Variants in SLX9 observed in about 807,000 individuals in gnomAD.
SLX9 encodes ribosome biogenesis protein SLX9 homolog.
A neutral mutation model predicts 20.8 loss-of-function variants in SLX9; 19 were observed. That is an observed-to-expected ratio of 0.91 (90% CI 0.64 to 1.34). The LOEUF is 1.34. Among genes scored for constraint, SLX9 ranks in the 40% most tolerant of loss-of-function variants. The probability of loss-of-function intolerance (pLI) is 0.00; values close to 1 mark genes in which losing one functional copy is unlikely to be tolerated. For synonymous variants in SLX9, 113 were observed against 137.1 expected (o/e 0.82, Z 1.23); for missense variants, 299 against 322.2 (o/e 0.93, Z 0.55).
chr21:44,963,238 G>A (rs911850959), intron 3 of SLX9, among the ~76,000 whole-genome samples: 36 of 152,014 alleles, frequency 2.4e-4, no homozygotes, highest in African/African-American at 8.7e-4. Flanking sequence ...ACAGGCACCC[G>A]CCACCGTGCC....
chr21:44,943,837 G>A lies in SLX9; in HGVS notation c.283G>A (p.Gly95Ser), dbSNP rs374980554. 6.8e-6 allele frequency: 11 copies of A among 1,613,698 alleles called. No individual in the cohort carries two copies. The Middle Eastern group carries it at 9.9e-4, about 145-fold the overall frequency. ...SARSVPSIRR[G>S]AEAKTVLPKK... is the part of the protein sequence containing the mutation. ...ACGGAGCGTCCCTTCCATCAGGAGAGGTGAGGCAGGCTCGACGGGTTACCA... is the reference window on the plus strand; with the variant it reads ...ACGGAGCGTCCCTTCCATCAGGAGAAGTGAGGCAGGCTCGACGGGTTACCA... The change falls in exon 2 of 6, where the codon GGT (glycine) becomes AGT (serine). Residue 95 changes from glycine to serine, a missense_variant and splice_region_variant. Gly to Ser is a moderately conservative substitution (Grantham distance 56). Transcript: ENST00000291634.
chr21:44,968,777 G>A (rs557305407), intron 4 of SLX9, among the ~76,000 whole-genome samples: 6 of 141,972 alleles, frequency 4.2e-5, no homozygotes, highest in Admixed American at 7.3e-5. Context: ...TTTTGGAGAC[G>A]GAGCCTTGCT....
chr21:44,950,467 G>A (rs771197785), intron 2 of SLX9, among the ~76,000 whole-genome samples: 162 of 152,372 alleles, frequency 1.1e-3, no homozygotes, highest in Non-Finnish European at 1.7e-3. Context: ...TGCGTGGTGC[G>A]GCGGCTGGGA....
intron 3 of SLX9, among the ~76,000 whole-genome samples, chr21:44,964,660 A>G (rs761741235): frequency 3.3e-5 from 5 of 152,134 alleles, no homozygotes; most frequent in Non-Finnish European, 7.4e-5. Flanking sequence ...GTCCCACTTG[A>G]CTTTCCCAAC....
intron 1 of SLX9, among the ~76,000 whole-genome samples, chr21:44,941,687 G>T (rs1403434977): frequency 6.6e-6 from 1 of 152,170 alleles, no homozygotes; most frequent in Non-Finnish European, 1.5e-5. Context: ...GAGTCCCTCT[G>T]CTCACTCCTG....
chr21:44,948,674 G>T (rs1463301398), intron 2 of SLX9, among the ~76,000 whole-genome samples: 1 of 152,176 alleles, frequency 6.6e-6, no homozygotes, highest in African/African-American at 2.4e-5. Context: ...ACGGCTTGGG[G>T]GCGGTGGGGG....
At chr21:44,959,970 G>A (rs1316888203) in intron 2 of SLX9, 130 bp from the exon 3 acceptor site, 1 of 776,278 alleles carries the variant, frequency 1.3e-6, no homozygotes, top group Non-Finnish European at 2.2e-6. Context: ...GAGTCTGAGA[G>A]GCTGGCACAG....
At chr21:44,969,111 A>G (rs2085094516) in intron 4 of SLX9, 2 of 460,454 alleles carry the variant, frequency 4.3e-6, no homozygotes, top group Non-Finnish European at 9.1e-6. Context: ...TCTGGGCAGA[A>G]AGCAGGGGCT....
chr21:44,951,822 A>G (rs1208641880), intron 2 of SLX9, among the ~76,000 whole-genome samples: 2 of 152,064 alleles, frequency 1.3e-5, no homozygotes, highest in Non-Finnish European at 2.9e-5. Context: ...CTTAGCTAGC[A>G]GTGTCTTCAG....
At chr21:44,949,811 C>T (rs1056743595) in intron 2 of SLX9, among the ~76,000 whole-genome samples, 12 of 152,186 alleles carry the variant, frequency 7.9e-5, no homozygotes, top group African/African-American at 1.2e-4. Context: ...CAGCACAGAG[C>T]GCTGCCCAGG....
chr21:44,939,938 G>C, upstream of SLX9: 1 of 1,098,836 alleles, frequency 9.1e-7, no homozygotes, highest in Non-Finnish European at 1.2e-6. Context: ...AGCCGCTTCC[G>C]GGTACTTCCG....
At chr21:44,957,098 CCT>C in intron 2 of SLX9, among the ~76,000 whole-genome samples, 1 of 152,232 alleles carries the variant, frequency 6.6e-6, no homozygotes. Flanking sequence ...TGCACCCATC[CCT>C]CTCTCTGTGC....
chr21:44,973,026 G>GAGGACGGTCAGGCAGTTGCACTGCTT, intron 4 of SLX9, 171 bp from the exon 5 acceptor site: 1 of 730,356 alleles, frequency 1.4e-6, no homozygotes, highest in Non-Finnish European at 2.3e-6. Flanking sequence ...TGCTTGTCCA[G>GAGGACGGTCAGGCAGTTGCACTGCTT]GTCTCGCCTC....
chr21:44,958,702 C>T (rs979632981), intron 2 of SLX9, among the ~76,000 whole-genome samples: 1 of 152,220 alleles, frequency 6.6e-6, no homozygotes, highest in Non-Finnish European at 1.5e-5. Flanking sequence ...AGCTGGGGGT[C>T]GTGGGGCCGC....
At position 44,943,693 on chromosome 21, in the gene SLX9, T is replaced by C; in HGVS notation, c.139T>C (p.Phe47Leu). Residue 47 changes from phenylalanine (F) to leucine (L), a missense_variant, in exon 2 of 6, where the codon TTC becomes CTC. Physicochemically the swap from Phe to Leu is conservative, Grantham distance 22. Coordinates refer to ENST00000291634, the MANE Select transcript of SLX9 (RefSeq NM_058190.4). ...TTGTTGGGGACATTAGGACTGGGCG[T>C]TCATCAACACCAACATCTTTGCCAG... ...PASAAGKDWA[F>L]INTNIFARTK... 6.2e-7 allele frequency: 1 copy of C among 1,614,040 alleles called. No individual in the cohort carries two copies. The highest frequency in any genetic ancestry group is 8.5e-7 in the Non-Finnish European group (1 of 1,179,940).
At chr21:44,939,815 A>C, upstream of SLX9, 1 of 551,386 alleles carries the variant, frequency 1.8e-6, no homozygotes, top group South Asian at 2.0e-5. Flanking sequence ...CTAGACAGAA[A>C]CTCGTTGTTT....
intron 3 of SLX9, among the ~76,000 whole-genome samples, chr21:44,961,628 CAT>C (rs1393183091): frequency 6.6e-6 from 1 of 152,198 alleles, no homozygotes; most frequent in Non-Finnish European, 1.5e-5. Context: ...TCTCAATCTT[CAT>C]ATGTTAGTTG....
intron 3 of SLX9, among the ~76,000 whole-genome samples, chr21:44,960,421 G>A (rs913068320): frequency 3.3e-5 from 5 of 152,268 alleles, no homozygotes; most frequent in African/African-American, 9.6e-5. Context: ...CTGCCACCCC[G>A]TCCGTGTGGG....
chr21:44,973,024 C>CGGGGCGGTCACCGG, intron 4 of SLX9, 173 bp from the exon 5 acceptor site: 1 of 720,762 alleles, frequency 1.4e-6, no homozygotes, highest in Non-Finnish European at 2.3e-6. Flanking sequence ...ACTGCTTGTC[C>CGGGGCGGTCACCGG]AGGTCTCGCC....
Sources: gnomAD v4.1 joint callset for allele counts (sites outside exome capture counted in the v4.1 genomes callset) on GRCh38, gnomAD v4.1.1 for gene constraint, MANE v1.5 for transcripts, NCBI Gene and HGNC (gene_info 2026-07-23, HGNC 2026-07-21) for gene names.